CARMIL1: variants seen among roughly 807,000 people sequenced by gnomAD.
CARMIL1 encodes the protein F-actin-uncapping protein LRRC16A.
Under a neutral mutation model 177.1 loss-of-function variants are expected in CARMIL1, and 90 were observed. The ratio of observed to expected loss-of-function variants is 0.51; its 90% CI spans 0.43 to 0.61. CARMIL1 has a LOEUF of 0.61. Ranked by LOEUF, CARMIL1 falls within the 20% of genes least tolerant of loss-of-function variation. The pLI is 0.00. For synonymous variants in CARMIL1, 577 were observed against 606.2 expected (o/e 0.95, Z 0.71); for missense variants, 1,380 against 1,667.0 (o/e 0.83, Z 3.00).
Position 25,298,900 on chromosome 6 carries a change from G to A in CARMIL1, c.138+13991G>A, listed in dbSNP as rs368210115. Among the ~76,000 whole-genome samples the A allele has an allele frequency of 4.6e-5, 7 of 152,128 alleles. No individual in the cohort carries two copies. In the East Asian group the frequency reaches 1.4e-3, roughly 29 times the overall value. On this transcript the variant is annotated intron_variant, in intron 2 of 36. Transcript: ENST00000329474. ...TTCCCGAGTAGCTAGTATTACAGGT[G>A]TGTGCCACCATGCCCAGCTTATTTT...
intron 5 of CARMIL1, among the ~76,000 whole-genome samples, chr6:25,439,408 A>G (rs80297954): frequency 0.06 from 9,192 of 152,254 alleles, 383 homozygotes; most frequent in Non-Finnish European, 0.095. Context: ...TGTTGATAAC[A>G]TCACCTGGAG....
intron 2 of CARMIL1, among the ~76,000 whole-genome samples, chr6:25,380,715 C>G (rs935503478): frequency 2.6e-5 from 4 of 152,174 alleles, no homozygotes; most frequent in African/African-American, 9.7e-5. Flanking sequence ...ACAGGCCTGT[C>G]TTTATTAATC....
intron 2 of CARMIL1, among the ~76,000 whole-genome samples, chr6:25,392,841 A>G (rs1254455146): frequency 6.6e-6 from 1 of 152,116 alleles, no homozygotes; most frequent in Non-Finnish European, 1.5e-5. Flanking sequence ...TAAAAGCAAT[A>G]CCCCTCTTTA....
intron 31 of CARMIL1, among the ~76,000 whole-genome samples, chr6:25,593,207 A>C (rs1814489229): frequency 2.0e-5 from 3 of 152,110 alleles, no homozygotes; most frequent in Admixed American, 2.0e-4. Flanking sequence ...TTGTCTTTCC[A>C]TTCTCACTTC....
intron 2 of CARMIL1, among the ~76,000 whole-genome samples, chr6:25,401,151 T>C (rs1793850166): frequency 6.6e-6 from 1 of 152,176 alleles, no homozygotes; most frequent in Admixed American, 6.5e-5. Flanking sequence ...TTTTGAATTA[T>C]TTTAACGGTT....
At chr6:25,472,394 G>A (rs1801165548) in intron 10 of CARMIL1, 33 bp from the exon 11 acceptor site, 1 of 1,400,570 alleles carries the variant, frequency 7.1e-7, no homozygotes, top group Non-Finnish European at 9.9e-7. Flanking sequence ...TTTACATTTT[G>A]TTATTTAATC....
chr6:25,404,532 G>A lies in CARMIL1; in HGVS notation c.139-15582G>A, dbSNP rs547172096. 1.1e-3 allele frequency among the ~76,000 whole-genome samples: 175 copies of A among 152,180 alleles called. 1 individual carries two copies. The highest frequency in any genetic ancestry group is 1.8e-3 in the Non-Finnish European group (120 of 67,998). ...AGCACTTTGGGAGGATGAGGTGGGC[G>A]GATCACCTGAGGTCGGGAGTTTGAG... On this transcript the variant is annotated intron_variant, in intron 2 of 36. Transcript: ENST00000329474.
Position 25,447,594 on chromosome 6 carries a change from G to A in CARMIL1, c.372-2304G>A, listed in dbSNP as rs150592434. Among the ~76,000 whole-genome samples, 17 of 152,126 alleles carry A rather than the reference G, an allele frequency of 1.1e-4. No homozygotes were observed. The East Asian group carries it at 2.1e-3, about 19-fold the overall frequency. On this transcript the variant is annotated intron_variant, in intron 5 of 36. Coordinates refer to ENST00000329474, the MANE Select transcript of CARMIL1 (RefSeq NM_017640.6). ...CCCACGTCCTGTCATGGTACTGGGT[G>A]ACTGACACCCTGACACCCTTCCTCA... is the stretch of plus-strand genomic sequence containing the variant.
chr6:25,588,780 A>T (rs981589533), intron 31 of CARMIL1, among the ~76,000 whole-genome samples: 27 of 152,236 alleles, frequency 1.8e-4, no homozygotes, highest in African/African-American at 6.5e-4. Context: ...CACTAACTGG[A>T]ATAATCTCCT....
Position 25,515,576 on chromosome 6 carries a change from C to A in CARMIL1, c.1633-99C>A. ...TAGTAGTTCTAAAATCAGACACGTG[C>A]AGTAGGTCCATCCCCTCTCATTCTC... On this transcript the variant is annotated intron_variant, in intron 20 of 36. Transcript: ENST00000329474. This position sits in a 1 kb window ranked among gnomAD's most constrained non-coding sequence, Gnocchi z 5.0. 2 of 1,101,332 alleles carry A rather than the reference C, an allele frequency of 1.8e-6. No homozygotes were observed. The highest frequency in any genetic ancestry group is 2.6e-6 in the Non-Finnish European group (2 of 783,428). The allele number at this position is 1,101,332 out of a possible 1,614,324, so 68.2% of individuals were successfully genotyped here. A position where few individuals can be genotyped will look rare whatever the true frequency, so the allele number is the denominator to read the frequency against.
At position 25,515,533 on chromosome 6, in the gene CARMIL1, C is replaced by G. The variant is rs1339555620; in HGVS notation, c.1633-142C>G. On this transcript the variant is annotated intron_variant, in intron 20 of 36. Transcript: ENST00000329474. This position sits in a 1 kb window ranked among gnomAD's most constrained non-coding sequence, Gnocchi z 5.0. ...TTGTGCCAGAACCTTAAGTTTCTAT[C>G]CACGAGTGTCTTTTAGGTAGTAGTT... The G allele has an allele frequency of 1.4e-6, 1 of 693,282 alleles. No individual in the cohort carries two copies. Among genetic ancestry groups the G allele is most frequent in the Non-Finnish European group, 2.2e-6 (1 of 451,324 alleles). The allele number at this position is 693,282 out of a possible 1,614,324, so 42.9% of individuals were successfully genotyped here.
chr6:25,524,016 C>T lies in CARMIL1; in HGVS notation c.1968+3679C>T, dbSNP rs540492235. ...GCAGTAAAGATTGGAGAAAAATTTCCTTTTTTTTTCTGGCAGGGGGAAGGG... is the reference window on the plus strand; with the variant it reads ...GCAGTAAAGATTGGAGAAAAATTTCTTTTTTTTTTCTGGCAGGGGGAAGGG... On this transcript the variant is annotated intron_variant, in intron 23 of 36. Transcript: ENST00000329474. 2.0e-5 allele frequency among the ~76,000 whole-genome samples: 3 copies of T among 151,074 alleles called. No individual in the cohort carries two copies. In the East Asian group the frequency reaches 5.8e-4, roughly 29 times the overall value.
chr6:25,602,874 G>A (rs7747371), intron 33 of CARMIL1, among the ~76,000 whole-genome samples: 10,507 of 152,172 alleles, frequency 0.069, 454 homozygotes, highest in East Asian at 0.11. Context: ...AGAACTGTAA[G>A]TATGAAGATA....
chr6:25,369,071 T>C (rs1392045388), intron 2 of CARMIL1, among the ~76,000 whole-genome samples: 1 of 152,230 alleles, frequency 6.6e-6, no homozygotes, highest in African/African-American at 2.4e-5. Flanking sequence ...GGAGTGTAAG[T>C]AACTAAGTTT....
intron 2 of CARMIL1, among the ~76,000 whole-genome samples, chr6:25,395,107 T>C (rs991578157): frequency 6.6e-6 from 1 of 152,182 alleles, no homozygotes; most frequent in Non-Finnish European, 1.5e-5. Flanking sequence ...AAATGAAAAT[T>C]AAAACCCTAC....
chr6:25,480,649 A>AATTAAAT (rs892488904), intron 11 of CARMIL1, among the ~76,000 whole-genome samples: 31 of 84,582 alleles, frequency 3.7e-4, no homozygotes, highest in African/African-American at 1.5e-3. Context: ...AATAAATTTA[A>AATTAAAT]ATTATTTATA....
intron 3 of CARMIL1, among the ~76,000 whole-genome samples, chr6:25,425,407 C>T (rs1312903322): frequency 6.6e-6 from 1 of 152,144 alleles, no homozygotes. Flanking sequence ...GGAGATTCAG[C>T]GTTTTTCTGC....
chr6:25,509,398 G>A lies in CARMIL1; in HGVS notation c.1396-258G>A, dbSNP rs981797133. Among the ~76,000 whole-genome samples the A allele has an allele frequency of 6.6e-6, 1 of 152,086 alleles. No homozygotes were observed. The highest frequency in any genetic ancestry group is 1.5e-5 in the Non-Finnish European group (1 of 68,006). ...TTGCTACTATAGTGGCGTGGGTGGTGGTCATCTTGTTTCTCTTTTGTTTTT... is the reference window on the plus strand; with the variant it reads ...TTGCTACTATAGTGGCGTGGGTGGTAGTCATCTTGTTTCTCTTTTGTTTTT... On this transcript the variant is annotated intron_variant, in intron 17 of 36. Coordinates refer to ENST00000329474, the MANE Select transcript of CARMIL1 (RefSeq NM_017640.6). The surrounding 1 kb of genome is among the most constrained non-coding windows in gnomAD (Gnocchi z 4.1).
Position 25,619,670 on chromosome 6 carries a change from G to A in CARMIL1, c.*87G>A, listed in dbSNP as rs540299333. 3.8e-5 allele frequency: 50 copies of A among 1,332,324 alleles called. No individual in the cohort carries two copies. Among genetic ancestry groups the A allele is most frequent in the Non-Finnish European group, 4.3e-5 (43 of 1,002,528 alleles). The allele number at this position is 1,332,324 out of a possible 1,614,324, so 82.5% of individuals were successfully genotyped here. A position where few individuals can be genotyped will look rare whatever the true frequency, so the allele number is the denominator to read the frequency against. On this transcript the variant is annotated 3_prime_UTR_variant, in exon 37 of 37. Transcript: ENST00000329474. ...AGGGCAACATCTTTTCTTCCCAGGC[G>A]TTCTTCTCTGGGTGCTTTATTCTCT... is the stretch of plus-strand genomic sequence containing the variant.
Sources: gnomAD v4.1 joint callset for allele counts (sites outside exome capture counted in the v4.1 genomes callset) on GRCh38, gnomAD v4.1.1 for gene constraint, Gnocchi (gnomAD v3.1) non-coding constraint, MANE v1.5 for transcripts, NCBI Gene and HGNC (gene_info 2026-07-23, HGNC 2026-07-21) for gene names.